PLA2R1: variants seen among roughly 807,000 people sequenced by gnomAD.
PLA2R1 encodes phospholipase A2 receptor 1.
A neutral mutation model predicts 195.9 loss-of-function variants in PLA2R1; 158 were observed. That is an observed-to-expected ratio of 0.81 (90% confidence interval 0.71 to 0.92). PLA2R1 has a LOEUF of 0.92. Among genes scored for constraint, PLA2R1 ranks in the 40% least tolerant of loss-of-function variants. PLA2R1 has a pLI of 0.00. For synonymous variants in PLA2R1, 586 were observed against 598.2 expected, an observed-to-expected ratio of 0.98 and a Z score of 0.30; for missense variants, 1,626 against 1,764.6, an observed-to-expected ratio of 0.92 and a Z score of 1.41.
In PLA2R1 at chr2:159,935,945, A is replaced by ATTTTTTTTTTTTTTTTTTTTTTTTTTTT. The variant is rs56240008; in HGVS notation, c.*5832_*5833insAAAAAAAAAAAAAAAAAAAAAAAAAAAA. 3.5e-4 allele frequency: 37 copies of ATTTTTTTTTTTTTTTTTTTTTTTTTTTT among 107,228 alleles called. 4 individuals are homozygous for ATTTTTTTTTTTTTTTTTTTTTTTTTTTT. Among genetic ancestry groups the ATTTTTTTTTTTTTTTTTTTTTTTTTTTT allele is most frequent in the East Asian group, 2.1e-3 (7 of 3,292 alleles). 6.6% of individuals were successfully genotyped at this position (107,228 alleles called of 1,614,324 possible). ...GCAGTAAAAATATGTATATAAATTA[A>ATTTTTTTTTTTTTTTTTTTTTTTTTTTT]TTTTTTTTTTTTTTTTTTTTTTTTG... is the stretch of plus-strand genomic sequence containing the variant. On this transcript the variant is annotated 3_prime_UTR_variant, in exon 30 of 30. Transcript: ENST00000283243.
At chr2:160,033,169 T>A in intron 3 of PLA2R1, 37 bp from the exon 4 acceptor site, 1 of 1,512,446 alleles carries the variant, frequency 6.6e-7, no homozygotes. Flanking sequence ...CCAGGTCTTA[T>A]TTTATCTATA....
chr2:159,952,132 T>A (rs1488273816), intron 23 of PLA2R1, among the ~76,000 whole-genome samples: 4 of 152,202 alleles, frequency 2.6e-5, no homozygotes, highest in Non-Finnish European at 4.4e-5. Flanking sequence ...GTTAATAAAT[T>A]CTTAGAAATA....
intron 1 of PLA2R1, among the ~76,000 whole-genome samples, chr2:160,057,536 C>T: frequency 6.6e-6 from 1 of 152,186 alleles, no homozygotes; most frequent in East Asian, 1.9e-4. Flanking sequence ...TCTCCTTTTT[C>T]CTATATGGTA....
At chr2:160,026,766 G>A (rs1693548320) in intron 6 of PLA2R1, among the ~76,000 whole-genome samples, 1 of 152,212 alleles carries the variant, frequency 6.6e-6, no homozygotes, top group African/African-American at 2.4e-5. Context: ...CATGGCCAAA[G>A]AGTGTTAGAA....
chr2:159,987,877 C>T (rs77806695), intron 11 of PLA2R1, among the ~76,000 whole-genome samples: 2,398 of 151,930 alleles, frequency 0.016, 67 homozygotes, highest in African/African-American at 0.055. Context: ...GGTAAAGATC[C>T]GGGGGCAGGG....
intron 11 of PLA2R1, among the ~76,000 whole-genome samples, chr2:159,987,735 T>A (rs976260229): frequency 6.6e-6 from 1 of 152,174 alleles, no homozygotes; most frequent in East Asian, 1.9e-4. Context: ...ATAGTGCTCA[T>A]CCTCTAACAA....
intron 3 of PLA2R1, among the ~76,000 whole-genome samples, chr2:160,038,363 T>C (rs1694300678): frequency 1.3e-5 from 2 of 152,192 alleles, no homozygotes; most frequent in African/African-American, 2.4e-5. Context: ...TCTGATATGA[T>C]GGTCTAGGGT....
chr2:160,041,394 A>C (rs1244210402), intron 3 of PLA2R1, among the ~76,000 whole-genome samples: 1 of 152,230 alleles, frequency 6.6e-6, no homozygotes, highest in Non-Finnish European at 1.5e-5. Flanking sequence ...TGAAATAATA[A>C]GGCACTAACT....
intron 14 of PLA2R1, among the ~76,000 whole-genome samples, chr2:159,979,215 CTG>C (rs1216234524): frequency 6.6e-6 from 1 of 152,108 alleles, no homozygotes; most frequent in African/African-American, 2.4e-5. Flanking sequence ...AGTTTTTTCC[CTG>C]TCATTTTGAG....
chr2:160,055,467 G>T (rs964756453), intron 1 of PLA2R1, among the ~76,000 whole-genome samples: 2 of 152,198 alleles, frequency 1.3e-5, no homozygotes, highest in South Asian at 4.1e-4. Flanking sequence ...TCTGCTTTAG[G>T]AAAATATCAC....
At chr2:160,024,672 T>C (rs912948691) in intron 6 of PLA2R1, among the ~76,000 whole-genome samples, 2 of 152,212 alleles carry the variant, frequency 1.3e-5, no homozygotes, top group African/African-American at 4.8e-5. Flanking sequence ...GCAGAGCAGC[T>C]GTGCCTTGTA....
intron 20 of PLA2R1, among the ~76,000 whole-genome samples, chr2:159,966,938 T>C (rs1688826913): frequency 1.3e-5 from 2 of 152,102 alleles, no homozygotes; most frequent in African/African-American, 4.8e-5. Flanking sequence ...ATATCCCCAC[T>C]GGCAATTTTT....
At chr2:159,988,763 G>A (rs749496096) in intron 11 of PLA2R1, among the ~76,000 whole-genome samples, 21 of 147,968 alleles carry the variant, frequency 1.4e-4, no homozygotes, top group Non-Finnish European at 2.5e-4. Flanking sequence ...CAGATACTGA[G>A]TACCTGGCAT....
chr2:160,044,661 C>T, intron 2 of PLA2R1, 113 bp downstream of exon 2: 1 of 888,428 alleles, frequency 1.1e-6, no homozygotes, highest in Admixed American at 2.3e-5. Flanking sequence ...GCAGAAGTCC[C>T]TTGAGGGTCC....
chr2:160,045,373 G>A (rs376237348), intron 1 of PLA2R1, among the ~76,000 whole-genome samples: 1 of 152,176 alleles, frequency 6.6e-6, no homozygotes, highest in Non-Finnish European at 1.5e-5. Context: ...GAGCTAATGG[G>A]AGAGCTCTGA....
intron 20 of PLA2R1, among the ~76,000 whole-genome samples, chr2:159,961,602 C>T (rs1574675399): frequency 6.6e-6 from 1 of 152,150 alleles, no homozygotes; most frequent in East Asian, 1.9e-4. Context: ...TGCCCCAGGG[C>T]TAGCTTCAGA....
At chr2:159,994,774 A>T (rs1298093289) in intron 11 of PLA2R1, among the ~76,000 whole-genome samples, 6 of 151,806 alleles carry the variant, frequency 4.0e-5, no homozygotes, top group Non-Finnish European at 4.4e-5. Flanking sequence ...TATTTGATAA[A>T]CTTAATACTA....
chr2:160,034,769 C>T (rs761353223), intron 3 of PLA2R1, among the ~76,000 whole-genome samples: 4 of 152,056 alleles, frequency 2.6e-5, no homozygotes, highest in Non-Finnish European at 5.9e-5. Context: ...CCTATCACTA[C>T]AAAAAGAGAA....
chr2:160,004,784 G>T (rs142339653), intron 11 of PLA2R1, among the ~76,000 whole-genome samples: 153 of 152,276 alleles, frequency 1.0e-3, no homozygotes, highest in African/African-American at 3.4e-3. Context: ...TGGTTCTAGT[G>T]TAGGCTGTGG....
Sources: allele counts gnomAD v4.1 joint callset (sites outside exome capture counted in the v4.1 genomes callset), GRCh38; gene constraint gnomAD v4.1.1; transcripts MANE v1.5; gene names NCBI Gene and HGNC (gene_info 2026-07-23, HGNC 2026-07-21).